RRN3: variants seen among roughly 807,000 people sequenced by gnomAD.
RRN3 encodes RNA polymerase I transcription factor RRN3, also known as RNA polymerase I-specific transcription initiation factor RRN3.
In RRN3, 38 loss-of-function variants were observed where a neutral mutation model predicts 82.3. That is an observed-to-expected ratio of 0.46 (90% CI 0.36 to 0.61). The LOEUF (loss-of-function observed/expected upper bound fraction) is 0.61, where lower values mean the gene tolerates loss of function less well. Ranked by LOEUF, RRN3 falls within the 20% of genes least tolerant of loss-of-function variation. The probability of loss-of-function intolerance (pLI) is 0.00; values close to 1 mark genes in which losing one functional copy is unlikely to be tolerated. For synonymous variants in RRN3, 284 were observed against 284.3 expected (o/e 1.00, Z 0.01); for missense variants, 726 against 793.1 (o/e 0.92, Z 1.02).
chr16:15,083,597 T>A lies in RRN3; in HGVS notation c.597-15A>T, dbSNP rs776035188. The A allele has an allele frequency of 1.3e-6, 2 of 1,592,520 alleles. No homozygotes were observed. Among genetic ancestry groups the A allele is most frequent in the South Asian group, 2.3e-5 (2 of 86,990 alleles). ...ACCACGGTGTCCTATTTTTAAAAAATTAAATCAATCCATGTTAACTTTACT... is the reference window on the plus strand; with the variant it reads ...ACCACGGTGTCCTATTTTTAAAAAAATAAATCAATCCATGTTAACTTTACT... On this transcript the variant is annotated splice_polypyrimidine_tract_variant and intron_variant, in intron 7 of 17. Transcript: ENST00000198767.
chr16:15,094,199 C>G lies in RRN3; in HGVS notation c.35G>C (p.Gly12Ala). 6.3e-7 allele frequency: 1 copy of G among 1,599,984 alleles called. No homozygotes were observed. Among genetic ancestry groups the G allele is most frequent in the South Asian group, 1.1e-5 (1 of 88,534 alleles). Residue 12 changes from glycine to alanine, a missense_variant, in exon 1 of 18, where the codon GGA becomes GCA. Gly to Ala is a moderately conservative substitution (Grantham distance 60). Transcript: ENST00000198767. Reference sequence around the variant, plus strand: ...TGCAGAGGACGAAGCGGCCGCATCTCCCGGCAAACGCGTGTGAAGCAGCGG... The same window carrying G: ...TGCAGAGGACGAAGCGGCCGCATCTGCCGGCAAACGCGTGTGAAGCAGCGG... The part of the protein sequence containing the change: ...AAPLLHTRLP[G>A]DAAASSSAVK...
At chr16:15,070,828 A>C (rs2045192113) in intron 13 of RRN3, among the ~76,000 whole-genome samples, 2 of 152,160 alleles carry the variant, frequency 1.3e-5, no homozygotes, top group Non-Finnish European at 2.9e-5. Flanking sequence ...TGACAAACCT[A>C]CAAAAAGAAT....
intron 17 of RRN3, among the ~76,000 whole-genome samples, 163 bp from the exon 18 acceptor site, chr16:15,062,068 A>C (rs554840427): frequency 6.6e-6 from 1 of 152,182 alleles, no homozygotes; most frequent in Non-Finnish European, 1.5e-5. Context: ...AGTCCCAGCT[A>C]CTCAGGAGGT....
chr16:15,066,407 C>T (rs1336306514), intron 15 of RRN3, among the ~76,000 whole-genome samples: 15 of 152,132 alleles, frequency 9.9e-5, no homozygotes, highest in South Asian at 4.1e-4. Flanking sequence ...TTGAGGCAGG[C>T]GGTTCACTTG....
rs1313190454 is a variant in RRN3 at position 15,071,166 on chromosome 16, T to C, written c.1214A>G (p.Asn405Ser). The C allele has an allele frequency of 1.5e-5, 24 of 1,610,484 alleles. No individual in the cohort carries two copies. The highest frequency in any genetic ancestry group is 2.0e-5 in the Non-Finnish European group (24 of 1,179,416). Residue 405 changes from asparagine (N) to serine (S), a missense_variant, in exon 13 of 18, where the codon AAT becomes AGT. Around this residue, in one of 4 missense-constraint regions of RRN3, gnomAD observed 81 missense variants for 156.4 expected, o/e 0.52. Coordinates refer to ENST00000198767, the MANE Select transcript of RRN3 (RefSeq NM_018427.5). ...NPAIIRQAAG[N>S]YIGSFLARAK... ...TCTTGCCAAAAAGCTTCCAATATAA[T>C]TTCCAGCAGCCTGCCTGATGATGGC...
At position 15,076,490 on chromosome 16, in the gene RRN3, G is replaced by A. The variant is rs774182377; in HGVS notation, c.858+68C>T. The A allele has an allele frequency of 1.3e-5, 13 of 1,032,110 alleles. No individual in the cohort carries two copies. In the African/African-American group the frequency reaches 1.7e-4, roughly 14 times the overall value. 63.9% of individuals were successfully genotyped at this position (1,032,110 alleles called of 1,614,324 possible). On this transcript the variant is annotated intron_variant, in intron 10 of 17. Transcript: ENST00000198767. ...TTCAATCTAAAGCCTTAACAAAGATGAGCAGCACTAGCTGTTTCCACCCTT... is the reference window on the plus strand; with the variant it reads ...TTCAATCTAAAGCCTTAACAAAGATAAGCAGCACTAGCTGTTTCCACCCTT...
At chr16:15,093,641 C>G (rs2046230959) in intron 1 of RRN3, among the ~76,000 whole-genome samples, 2 of 152,150 alleles carry the variant, frequency 1.3e-5, no homozygotes, top group Admixed American at 1.3e-4. Flanking sequence ...ACATAGCATC[C>G]TAATGACTCT....
chr16:15,078,392 C>T (rs2045554409), intron 9 of RRN3, among the ~76,000 whole-genome samples: 1 of 152,128 alleles, frequency 6.6e-6, no homozygotes, highest in Non-Finnish European at 1.5e-5. Context: ...AACCCTGCAC[C>T]AAGGTCTCTA....
Position 15,091,384 on chromosome 16 carries a change from G to C in RRN3, c.196-13C>G, listed in dbSNP as rs2046124694. The C allele has an allele frequency of 2.6e-6, 4 of 1,568,118 alleles. No homozygotes were observed. The highest frequency in any genetic ancestry group is 3.5e-6 in the Non-Finnish European group (4 of 1,145,974). ...CATTTGTTTCACCCTTAACAAGAAGGGGAAAGAATTAAGTTATGCTTTTGT... is the reference window on the plus strand; with the variant it reads ...CATTTGTTTCACCCTTAACAAGAAGCGGAAAGAATTAAGTTATGCTTTTGT... On this transcript the variant is annotated splice_polypyrimidine_tract_variant and intron_variant, in intron 2 of 17. Coordinates refer to ENST00000198767, the MANE Select transcript of RRN3 (RefSeq NM_018427.5).
chr16:15,063,270 T>A lies in RRN3; in HGVS notation c.1720A>T (p.Ile574Phe). 1.2e-6 allele frequency: 2 copies of A among 1,610,876 alleles called. No homozygotes were observed. Among genetic ancestry groups the A allele is most frequent in the East Asian group, 4.5e-5 (2 of 44,874 alleles). ...PCVLKRSKKF[I>F]DPIYQVWEDM... is the part of the protein sequence containing the mutation. The stretch of plus-strand genomic sequence containing the variant: ...TCCCACACCTGATAAATAGGATCAA[T>A]GAATTTCTTTGACCTGTCAACAAAG... Residue 574 changes from isoleucine (I) to phenylalanine (F), a missense_variant, in exon 17 of 18, where the codon ATT becomes TTT. Transcript: ENST00000198767.
intron 14 of RRN3, among the ~76,000 whole-genome samples, chr16:15,068,552 T>C (rs2045080513): frequency 6.6e-6 from 1 of 152,138 alleles, no homozygotes; most frequent in Non-Finnish European, 1.5e-5. Context: ...GTGAAATTCA[T>C]ATGTTTGCAA....
intron 3 of RRN3, among the ~76,000 whole-genome samples, chr16:15,087,671 A>G (rs1364255884): frequency 1.3e-5 from 2 of 152,206 alleles, no homozygotes; most frequent in Non-Finnish European, 2.9e-5. Flanking sequence ...CACAACTGTT[A>G]AGGATAACAT....
rs768363785 is a variant in RRN3 at position 15,080,052 on chromosome 16, T to G, written c.711A>C (p.Pro237=). Residue 237 remains proline (P), a synonymous_variant, in exon 9 of 18, where the codon CCA becomes CCC. Transcript: ENST00000198767. The part of the protein sequence containing the change: ...HNLLRISVYF[P]TLRHEILELI... ...GCTCCAGAATTTCATGCCTCAAGGT[T>G]GGAAAATATACACTAATCCTTAGTA... 83 of 1,603,114 alleles carry G rather than the reference T, an allele frequency of 5.2e-5. No homozygotes were observed. The highest frequency in any genetic ancestry group is 1.1e-4 in the African/African-American group (8 of 74,624).
At chr16:15,077,010 G>C (rs1445695187) in intron 9 of RRN3, among the ~76,000 whole-genome samples, 2 of 125,730 alleles carry the variant, frequency 1.6e-5, no homozygotes, top group African/African-American at 5.8e-5. Context: ...GCAGAGTTTT[G>C]CTCTTGTTGC....
At chr16:15,090,395 G>A (rs979468171) in intron 3 of RRN3, among the ~76,000 whole-genome samples, 7 of 152,178 alleles carry the variant, frequency 4.6e-5, no homozygotes, top group South Asian at 2.1e-4. Context: ...TGTTCTAAGT[G>A]CTTCTTGCAT....
At chr16:15,074,950 TA>T in intron 10 of RRN3, 89 bp from the exon 11 acceptor site, 1 of 1,302,236 alleles carries the variant, frequency 7.7e-7, no homozygotes, top group Non-Finnish European at 1.0e-6. Flanking sequence ...TTATTTCCCT[TA>T]AAAGATAAAA....
chr16:15,061,502 C>A lies in RRN3; in HGVS notation c.*242G>T. 1 of 402,054 alleles carries A rather than the reference C, an allele frequency of 2.5e-6. No homozygotes were observed. The highest frequency in any genetic ancestry group is 4.4e-6 in the Non-Finnish European group (1 of 227,612). The allele number at this position is 402,054 out of a possible 1,614,324, so 24.9% of individuals were successfully genotyped here. A position where few individuals can be genotyped will look rare whatever the true frequency, so the allele number is the denominator to read the frequency against. On this transcript the variant is annotated 3_prime_UTR_variant, in exon 18 of 18. Coordinates refer to ENST00000198767, the MANE Select transcript of RRN3 (RefSeq NM_018427.5). Reference sequence around the variant, plus strand: ...AACAAGCAAATCCTTCCAAATGTATCATCAACCCCACTGTAAAAGATTGCA... The same window carrying A: ...AACAAGCAAATCCTTCCAAATGTATAATCAACCCCACTGTAAAAGATTGCA...
intron 3 of RRN3, among the ~76,000 whole-genome samples, chr16:15,090,161 G>C (rs944714560): frequency 5.5e-4 from 83 of 151,962 alleles, no homozygotes; most frequent in African/African-American, 1.9e-3. Context: ...AGTGAGCCCA[G>C]ATCACACCAC....
chr16:15,091,136 A>T (rs1033682827), intron 3 of RRN3, among the ~76,000 whole-genome samples, 179 bp downstream of exon 3: 33 of 152,130 alleles, frequency 2.2e-4, no homozygotes, highest in Non-Finnish European at 1.0e-4. Flanking sequence ...AAATATCTGC[A>T]GCCATCACCA....
Sources: allele counts gnomAD v4.1 joint callset (sites outside exome capture counted in the v4.1 genomes callset), GRCh38; gene constraint gnomAD v4.1.1; regional missense constraint gnomAD v4.1.1; transcripts MANE v1.5; gene names NCBI Gene and HGNC (gene_info 2026-07-23, HGNC 2026-07-21).